The following PUM1 variants were observed in gnomAD, a reference collection of about 807,000 sequenced individuals.
PUM1 encodes pumilio homolog 1.
Under a neutral mutation model 131.8 loss-of-function variants are expected in PUM1, and 13 were observed. The observed-to-expected ratio is 0.10, with a 90% CI of 0.06 to 0.16. The LOEUF (loss-of-function observed/expected upper bound fraction) is 0.16. PUM1 is among the 10% of genes least tolerant of loss of function. The probability of loss-of-function intolerance (pLI) is 1.00; values close to 1 mark genes in which losing one functional copy is unlikely to be tolerated. For missense variants in PUM1, 961 were observed against 1,512.4 expected, an observed-to-expected ratio of 0.64 and a Z score of 6.05; for synonymous variants, 509 against 556.5, an observed-to-expected ratio of 0.91 and a Z score of 1.20.
intron 7 of PUM1, among the ~76,000 whole-genome samples, chr1:30,989,516 G>A (rs944304671): frequency 3.1e-5 from 4 of 129,918 alleles, no homozygotes; most frequent in African/African-American, 1.2e-4. Flanking sequence ...AAGTTGCAGT[G>A]AGCCAAGATC....
rs190219828 is a variant in PUM1, at chr1:31,021,727, C to T, written c.432+7069G>A. On this transcript the variant is annotated intron_variant, in intron 3 of 21. Transcript: ENST00000426105. ...CATTTGTATCATCTTTGTAAGAATACTACAAATCACTTGCTACTTGAATTC... is the reference window on the plus strand; with the variant it reads ...CATTTGTATCATCTTTGTAAGAATATTACAAATCACTTGCTACTTGAATTC... Among the ~76,000 whole-genome samples the T allele has an allele frequency of 1.0e-3, 157 of 152,236 alleles. 2 individuals are homozygous for T. Among genetic ancestry groups the T allele is most frequent in the Non-Finnish European group, 1.6e-3 (107 of 68,002 alleles).
chr1:31,039,328 T>G (rs1643745274), intron 2 of PUM1, among the ~76,000 whole-genome samples: 1 of 151,710 alleles, frequency 6.6e-6, no homozygotes, highest in South Asian at 2.1e-4. Flanking sequence ...GTTCGTGCCA[T>G]TCTCCTGCCT....
chr1:30,962,412 T>C (rs758019952), intron 14 of PUM1, among the ~76,000 whole-genome samples: 1 of 152,124 alleles, frequency 6.6e-6, no homozygotes, highest in Non-Finnish European at 1.5e-5. Flanking sequence ...TTTTATTTTA[T>C]TTTATCTTAT....
chr1:30,948,813 A>C lies in PUM1; in HGVS notation c.2856+1314T>G, dbSNP rs533807590. ...ACAATTCAACTATCTATGAAAATCCAAGAAAAATTAAAATTGGCAATGATC... is the reference window on the plus strand; with the variant it reads ...ACAATTCAACTATCTATGAAAATCCCAGAAAAATTAAAATTGGCAATGATC... On this transcript the variant is annotated intron_variant, in intron 17 of 21. Transcript: ENST00000426105. Among the ~76,000 whole-genome samples, 5 of 152,322 alleles carry C rather than the reference A, an allele frequency of 3.3e-5. No homozygotes were observed. In the South Asian group the frequency reaches 1.0e-3, roughly 32 times the overall value.
chr1:30,973,079 T>C (rs780692196), intron 10 of PUM1: 2 of 212,822 alleles, frequency 9.4e-6, no homozygotes, highest in South Asian at 7.7e-5. Flanking sequence ...AAATTCCGTC[T>C]CAAAACAAAT....
intron 3 of PUM1, among the ~76,000 whole-genome samples, chr1:31,026,910 A>G (rs548513100): frequency 6.6e-6 from 1 of 150,568 alleles, no homozygotes; most frequent in African/African-American, 2.4e-5. Context: ...ACATATGCCT[A>G]TATTCATGCC....
chr1:30,953,634 T>C, intron 15 of PUM1, 80 bp downstream of exon 15: 1 of 1,469,232 alleles, frequency 6.8e-7, no homozygotes, highest in Non-Finnish European at 9.3e-7. Context: ...GCAATTTATT[T>C]AAGTAGATAC....
At chr1:30,940,801 G>A (rs6669623) in intron 20 of PUM1, among the ~76,000 whole-genome samples, 106,338 of 152,096 alleles carry the variant, frequency 0.7, 38,824 homozygotes, top group African/African-American at 0.9. Context: ...ATATAGATAT[G>A]CATATGGTAA....
intron 6 of PUM1, among the ~76,000 whole-genome samples, chr1:30,994,138 A>G (rs894395059): frequency 2.6e-5 from 4 of 152,196 alleles, no homozygotes; most frequent in Non-Finnish European, 5.9e-5. Context: ...ATGCAAGATT[A>G]ACAATAATTA....
chr1:31,056,008 A>G (rs1450319957), intron 2 of PUM1, among the ~76,000 whole-genome samples: 1 of 152,196 alleles, frequency 6.6e-6, no homozygotes, highest in Non-Finnish European at 1.5e-5. Flanking sequence ...CAGAGATTAC[A>G]GGGTTTGTTT....
intron 5 of PUM1, among the ~76,000 whole-genome samples, chr1:30,999,773 T>G (rs1642137134): frequency 6.7e-6 from 1 of 150,242 alleles, no homozygotes; most frequent in Non-Finnish European, 1.5e-5. Flanking sequence ...AAATAATGCA[T>G]GCCTAAAAGT....
At chr1:30,950,351 TG>T in intron 16 of PUM1, 90 bp from the exon 17 acceptor site, 1 of 1,370,822 alleles carries the variant, frequency 7.3e-7, no homozygotes, top group South Asian at 1.5e-5. Flanking sequence ...CATCAACCAC[TG>T]GCATAACCTC....
intron 11 of PUM1, among the ~76,000 whole-genome samples, chr1:30,967,650 AACAC>A (rs1311872222): frequency 6.6e-6 from 1 of 152,228 alleles, no homozygotes; most frequent in East Asian, 1.9e-4. Flanking sequence ...ACTTCCTAAG[AACAC>A]ACAAAGGCTC....
chr1:31,059,436 G>A lies in PUM1; in HGVS notation c.131C>T (p.Ser44Leu), dbSNP rs528903842. Residue 44 changes from serine (S) to leucine (L), a missense_variant, in exon 2 of 22, where the codon TCG becomes TTG. Around this residue, in one of 4 missense-constraint regions of PUM1, gnomAD observed 654 missense variants for 923.9 expected, o/e 0.71. Transcript: ENST00000426105. ...TGCAGCTGGTTGTGGCTGCGCTTGC[G>A]ACCCTGTTCCAGATGTCAAAACAAC... Reference protein sequence around the residue: ...MPVVLTSGTGSQAQPQPAANQ... With the variant: ...MPVVLTSGTGLQAQPQPAANQ... 1.9e-5 allele frequency: 30 copies of A among 1,614,180 alleles called. No homozygotes were observed. Among genetic ancestry groups the A allele is most frequent in the South Asian group, 9.9e-5 (9 of 91,080 alleles).
intron 21 of PUM1, 45 bp from the exon 22 acceptor site, chr1:30,933,387 T>G: frequency 1.1e-5 from 17 of 1,558,104 alleles, no homozygotes; most frequent in East Asian, 2.3e-5. Flanking sequence ...GAGATGAGAC[T>G]TGGGGGCAGG....
chr1:31,038,096 CT>C (rs1370396843), intron 2 of PUM1, among the ~76,000 whole-genome samples: 30 of 150,544 alleles, frequency 2.0e-4, no homozygotes, highest in East Asian at 1.9e-4. Context: ...AAAAAAAACC[CT>C]GGCATCATTT....
intron 7 of PUM1, among the ~76,000 whole-genome samples, chr1:30,983,885 GA>G (rs1374161234): frequency 1.3e-5 from 2 of 151,742 alleles, no homozygotes; most frequent in Non-Finnish European, 2.9e-5. Flanking sequence ...TTACAGGCGT[GA>G]GCCACCACAC....
In PUM1 at chr1:30,974,719, C is replaced by T. The variant is rs750008858; in HGVS notation, c.1438G>A (p.Ala480Thr). 3.1e-6 allele frequency: 5 copies of T among 1,611,314 alleles called. No homozygotes were observed. Among genetic ancestry groups the T allele is most frequent in the African/African-American group, 1.3e-5 (1 of 74,970 alleles). The change falls in exon 10 of 22, where the codon GCT (alanine) becomes ACT (threonine). Residue 480 changes from alanine (A) to threonine (T), a missense_variant. By Grantham distance (58) the Ala-to-Thr change is moderately conservative. Coordinates refer to ENST00000426105, the MANE Select transcript of PUM1 (RefSeq NM_001020658.2). ...GCTGAATTAGTTGCTGCAGCGGCAGCGGCAGCTTGCTGCTGGAAAAGACTG... is the reference window on the plus strand; with the variant it reads ...GCTGAATTAGTTGCTGCAGCGGCAGTGGCAGCTTGCTGCTGGAAAAGACTG... ...PASLFQQQAA[A>T]AAAATNSANQ...
rs1385764801 is a variant in PUM1 at position 30,992,654 on chromosome 1, G to T, written c.894C>A (p.Thr298=). The T allele has an allele frequency of 1.2e-6, 2 of 1,612,508 alleles. No homozygotes were observed. Among genetic ancestry groups the T allele is most frequent in the African/African-American group, 2.7e-5 (2 of 74,842 alleles). Residue 298 remains threonine (T), a synonymous_variant, in exon 7 of 22, where the codon ACC becomes ACA. Coordinates refer to ENST00000426105, the MANE Select transcript of PUM1 (RefSeq NM_001020658.2). ...TAGCAGAGTTCTGGCAATTACCAGG[G>T]GTACGGCTAAACAGAGAAAGTAAAG... is the stretch of plus-strand genomic sequence containing the variant. The part of the protein sequence containing the change: ...IDADVKDFSR[T]PGNCQNSANE...
Sources: gnomAD v4.1 joint callset for allele counts (sites outside exome capture counted in the v4.1 genomes callset) on GRCh38, gnomAD v4.1.1 for gene constraint, gnomAD v4.1.1 regional missense constraint, MANE v1.5 for transcripts, NCBI Gene and HGNC (gene_info 2026-07-23, HGNC 2026-07-21) for gene names.